Variants in ANKS1B observed in about 807,000 individuals in gnomAD.
The protein encoded by ANKS1B is ankyrin repeat and sterile alpha motif domain containing 1B.
ANKS1B carries 36 observed loss-of-function variants against 148.3 expected under a neutral mutation model. The ratio of observed to expected loss-of-function variants is 0.24; its 90% CI spans 0.19 to 0.32. The LOEUF is 0.32. Among genes scored for constraint, ANKS1B ranks in the 10% least tolerant of loss-of-function variants. The pLI, the probability that ANKS1B is intolerant of heterozygous loss-of-function variation, is 1.00. For missense variants in ANKS1B, 1,157 were observed against 1,542.6 expected (o/e 0.75, Z 4.19); for synonymous variants, 542 against 560.8 (o/e 0.97, Z 0.47).
intron 8 of ANKS1B, among the ~76,000 whole-genome samples, chr12:99,680,726 T>C (rs1480533038): frequency 6.6e-6 from 1 of 152,148 alleles, no homozygotes; most frequent in Non-Finnish European, 1.5e-5. Flanking sequence ...TTCTCAGCTC[T>C]TAGTGGGTAG....
At chr12:99,774,840 G>A (rs2063509897) in intron 7 of ANKS1B, among the ~76,000 whole-genome samples, 1 of 151,968 alleles carries the variant, frequency 6.6e-6, no homozygotes, top group Non-Finnish European at 1.5e-5. Flanking sequence ...AGGAGATCCT[G>A]CCATTTGTAA....
chr12:99,265,536 G>C (rs1270186427), intron 12 of ANKS1B, among the ~76,000 whole-genome samples: 1 of 152,172 alleles, frequency 6.6e-6, no homozygotes, highest in Non-Finnish European at 1.5e-5. Context: ...CTGCTCTACT[G>C]ATCACGAGTT....
chr12:99,247,829 G>A (rs1394641094), intron 12 of ANKS1B, among the ~76,000 whole-genome samples: 1 of 151,966 alleles, frequency 6.6e-6, no homozygotes, highest in East Asian at 1.9e-4. Context: ...GCTAAATATT[G>A]CCAAGATGAA....
intron 12 of ANKS1B, among the ~76,000 whole-genome samples, chr12:99,254,306 A>G (rs2075001088): frequency 1.3e-5 from 2 of 152,224 alleles, no homozygotes; most frequent in African/African-American, 4.8e-5. Flanking sequence ...GGGGTCTCCA[A>G]GATTATTTCA....
chr12:98,768,628 G>GGAGGCT (rs2098521329), intron 25 of ANKS1B, among the ~76,000 whole-genome samples: 1 of 151,434 alleles, frequency 6.6e-6, no homozygotes, highest in African/African-American at 2.4e-5. Flanking sequence ...CAGCTGCTCA[G>GGAGGCT]GAGGCTGAGG....
chr12:99,974,542 T>G (rs980648814), intron 1 of ANKS1B, among the ~76,000 whole-genome samples: 2 of 152,138 alleles, frequency 1.3e-5, no homozygotes, highest in Non-Finnish European at 2.9e-5. Context: ...TCATTTCTCA[T>G]GTCTCCAGTC....
At chr12:99,168,205 A>T (rs916166255) in intron 14 of ANKS1B, among the ~76,000 whole-genome samples, 1 of 152,322 alleles carries the variant, frequency 6.6e-6, no homozygotes, top group South Asian at 2.1e-4. Context: ...TAGGTTAATG[A>T]TACCTCAATA....
rs961417674 is a variant in ANKS1B, at chr12:99,207,397, C to A, written c.2419+36945G>T. ...TAATAGATATTTATGAAATATCAGT[C>A]ATTCTTAACAAAACTAAAGTATTAA... is the stretch of plus-strand genomic sequence containing the variant. On this transcript the variant is annotated intron_variant, in intron 14 of 26. Transcript: ENST00000683438. 3.4e-5 allele frequency among the ~76,000 whole-genome samples: 5 copies of A among 145,232 alleles called. No individual in the cohort carries two copies. The South Asian group carries it at 1.1e-3, about 33-fold the overall frequency.
At chr12:99,112,002 G>A (rs766801651) in intron 15 of ANKS1B, among the ~76,000 whole-genome samples, 10 of 152,084 alleles carry the variant, frequency 6.6e-5, no homozygotes, top group East Asian at 1.9e-4. Flanking sequence ...AAAGGTTAGC[G>A]TTTTTCCCTA....
At chr12:99,745,804 C>T (rs1172305639) in intron 8 of ANKS1B, among the ~76,000 whole-genome samples, 7 of 151,894 alleles carry the variant, frequency 4.6e-5, no homozygotes, top group African/African-American at 1.7e-4. Context: ...ATTCACCTTT[C>T]ATATTAATAA....
chr12:99,771,835 G>A (rs1477141545), intron 8 of ANKS1B, among the ~76,000 whole-genome samples: 4 of 152,060 alleles, frequency 2.6e-5, no homozygotes, highest in African/African-American at 9.7e-5. Flanking sequence ...AGATTAGCAA[G>A]TGCTATCCCA....
intron 14 of ANKS1B, among the ~76,000 whole-genome samples, chr12:99,161,801 G>A (rs1219522280): frequency 6.6e-6 from 1 of 152,152 alleles, no homozygotes; most frequent in Non-Finnish European, 1.5e-5. Context: ...GCAATCAGCA[G>A]GCAATTACTG....
chr12:99,485,678 C>A (rs911681258), intron 10 of ANKS1B, among the ~76,000 whole-genome samples: 5 of 152,106 alleles, frequency 3.3e-5, no homozygotes, highest in African/African-American at 1.2e-4. Flanking sequence ...TAGGTTTGGT[C>A]ATTTTCCATA....
intron 18 of ANKS1B, 166 bp downstream of exon 18, chr12:98,831,863 T>C: frequency 1.5e-6 from 1 of 656,546 alleles, no homozygotes; most frequent in Non-Finnish European, 2.8e-6. Flanking sequence ...GATTTTCATG[T>C]CTCAGCCTCC....
chr12:99,649,291 T>A, intron 9 of ANKS1B: 2 of 1,613,336 alleles, frequency 1.2e-6, no homozygotes, highest in Non-Finnish European at 8.5e-7. Flanking sequence ...TCCCTAGGGA[T>A]ATGCCATGAA....
chr12:99,472,780 A>T (rs1051512524), intron 10 of ANKS1B, among the ~76,000 whole-genome samples: 4 of 152,090 alleles, frequency 2.6e-5, no homozygotes, highest in African/African-American at 9.7e-5. Context: ...GCATTTAAGA[A>T]AGCCTATGAG....
intron 2 of ANKS1B, among the ~76,000 whole-genome samples, chr12:99,817,996 T>C (rs1159440598): frequency 1.3e-5 from 2 of 151,778 alleles, no homozygotes; most frequent in African/African-American, 4.8e-5. Flanking sequence ...TTCAGCAGAA[T>C]GAAACTAGAC....
At chr12:99,049,115 G>A (rs1404174183) in intron 17 of ANKS1B, 2 of 152,174 alleles carry the variant, frequency 1.3e-5, no homozygotes, top group African/African-American at 2.4e-5. Context: ...TCCCTGGTAT[G>A]GAAATATGAA....
chr12:99,721,613 G>A (rs535977975), intron 8 of ANKS1B, among the ~76,000 whole-genome samples: 3 of 152,072 alleles, frequency 2.0e-5, no homozygotes, highest in East Asian at 1.9e-4. Flanking sequence ...CTTATAAAAC[G>A]GCCCCACCCC....
Sources: allele counts gnomAD v4.1 joint callset (sites outside exome capture counted in the v4.1 genomes callset), GRCh38; gene constraint gnomAD v4.1.1; transcripts MANE v1.5; gene names NCBI Gene and HGNC (gene_info 2026-07-23, HGNC 2026-07-21).